The following GLIS3 variants were observed in gnomAD, a reference collection of about 807,000 sequenced individuals.
GLIS3 encodes the protein zinc finger protein GLIS3.
GLIS3 carries 53 observed loss-of-function variants against 78.6 expected under a neutral mutation model. The ratio of observed to expected loss-of-function variants is 0.67; its 90% CI spans 0.54 to 0.85. The LOEUF (loss-of-function observed/expected upper bound fraction) is 0.85. Among genes scored for constraint, GLIS3 ranks in the 40% least tolerant of loss-of-function variants. The pLI, the probability that GLIS3 is intolerant of heterozygous loss-of-function variation, is 0.00. For synonymous variants in GLIS3, 684 were observed against 509.9 expected (o/e 1.34, Z -4.60); for missense variants, 1,703 against 1,231.1 (o/e 1.38, Z -5.74).
At chr9:4,242,582 C>A (rs114801193) in intron 2 of GLIS3, among the ~76,000 whole-genome samples, 25 of 152,080 alleles carry the variant, frequency 1.6e-4, no homozygotes, top group African/African-American at 6.0e-4. Flanking sequence ...CTCCCCATAC[C>A]CAGTGGGTTC....
chr9:4,219,858 C>G (rs1821167713), intron 2 of GLIS3, among the ~76,000 whole-genome samples: 1 of 152,106 alleles, frequency 6.6e-6, no homozygotes, highest in East Asian at 1.9e-4. Context: ...GCTGAGAGAG[C>G]CTAGAAGCAA....
At chr9:4,193,188 T>C (rs1478930057) in intron 2 of GLIS3, among the ~76,000 whole-genome samples, 1 of 152,268 alleles carries the variant, frequency 6.6e-6, no homozygotes, top group Non-Finnish European at 1.5e-5. Context: ...GACTTTTGTA[T>C]GGCCCTATGG....
At chr9:4,236,922 T>C (rs899381732) in intron 2 of GLIS3, among the ~76,000 whole-genome samples, 2 of 152,238 alleles carry the variant, frequency 1.3e-5, no homozygotes, top group South Asian at 4.2e-4. Context: ...AAATATTTTT[T>C]TGAAACCAGG....
intron 4 of GLIS3, among the ~76,000 whole-genome samples, chr9:4,013,410 C>T (rs565672363): frequency 7.0e-4 from 107 of 152,288 alleles, no homozygotes; most frequent in Non-Finnish European, 1.0e-3. Flanking sequence ...TGTTAAGATT[C>T]AAGGTATACT....
intron 4 of GLIS3, among the ~76,000 whole-genome samples, chr9:3,968,140 G>T (rs901417208): frequency 5.5e-4 from 83 of 152,236 alleles, no homozygotes; most frequent in Non-Finnish European, 1.0e-3. Context: ...TTCAAAATTG[G>T]ATTTCAAATC....
chr9:4,331,986 T>C (rs1817695132), intron 2 of GLIS3, among the ~76,000 whole-genome samples: 2 of 152,200 alleles, frequency 1.3e-5, no homozygotes, highest in African/African-American at 4.8e-5. Flanking sequence ...CTAGCTCTTC[T>C]TCAACTTGGG....
At chr9:4,272,390 A>G (rs144880148) in intron 2 of GLIS3, among the ~76,000 whole-genome samples, 177 of 152,214 alleles carry the variant, frequency 1.2e-3, no homozygotes, top group African/African-American at 4.0e-3. Flanking sequence ...TTTTGAGGCA[A>G]TCTCTGCCAA....
chr9:3,902,117 T>G (rs1192812513), intron 6 of GLIS3, among the ~76,000 whole-genome samples: 1 of 152,222 alleles, frequency 6.6e-6, no homozygotes, highest in African/African-American at 2.4e-5. Context: ...CTTCACTAAA[T>G]ATTCATGTTT....
At chr9:4,250,013 C>G (rs1037160642) in intron 2 of GLIS3, among the ~76,000 whole-genome samples, 1 of 152,158 alleles carries the variant, frequency 6.6e-6, no homozygotes, top group African/African-American at 2.4e-5. Context: ...CTGCTGGATT[C>G]CGTTTGCCAG....
intron 4 of GLIS3, among the ~76,000 whole-genome samples, chr9:4,075,840 A>G (rs1156500420): frequency 1.3e-5 from 2 of 152,210 alleles, no homozygotes; most frequent in Non-Finnish European, 2.9e-5. Context: ...ACTGAGGAAA[A>G]GAAGTGAGAA....
chr9:4,131,789 G>T (rs1381279372), intron 2 of GLIS3, among the ~76,000 whole-genome samples: 1 of 152,028 alleles, frequency 6.6e-6, no homozygotes, highest in East Asian at 1.9e-4. Context: ...AGGTTGTTGT[G>T]CATCTAGTAT....
At chr9:3,844,781 TA>T (rs1286879117) in intron 9 of GLIS3, among the ~76,000 whole-genome samples, 2 of 152,210 alleles carry the variant, frequency 1.3e-5, no homozygotes, top group African/African-American at 4.8e-5. Flanking sequence ...TTACTATTAA[TA>T]CTGTCTTTAA....
At chr9:4,193,069 G>T (rs1818478001) in intron 2 of GLIS3, among the ~76,000 whole-genome samples, 1 of 152,156 alleles carries the variant, frequency 6.6e-6, no homozygotes, top group African/African-American at 2.4e-5. Context: ...GTCCCTGTTG[G>T]CAAACCTTTG....
the GLIS3 span, among the ~76,000 whole-genome samples, chr9:4,400,459 G>A: frequency 6.6e-6 from 1 of 152,184 alleles, no homozygotes; most frequent in Non-Finnish European, 1.5e-5. Flanking sequence ...CATGAGTTAT[G>A]TGACAGCCAG....
At chr9:4,461,915 T>C in the GLIS3 span, among the ~76,000 whole-genome samples, 1 of 152,232 alleles carries the variant, frequency 6.6e-6, no homozygotes, top group Non-Finnish European at 1.5e-5. Flanking sequence ...AATCTGAGAA[T>C]GAGAAAGGGC....
chr9:4,418,408 T>C, the GLIS3 span, among the ~76,000 whole-genome samples: 1 of 152,216 alleles, frequency 6.6e-6, no homozygotes, highest in African/African-American at 2.4e-5. Flanking sequence ...ATTTGCTCTA[T>C]CTGTAAAACC....
chr9:4,490,328 C>T, the GLIS3 span: 1 of 174,360 alleles, frequency 5.7e-6, no homozygotes, highest in Non-Finnish European at 1.2e-5. Context: ...CCTACCACGC[C>T]TGCTCCCTAG....
chr9:3,833,091 G>C (rs971834118), intron 9 of GLIS3, among the ~76,000 whole-genome samples: 1 of 152,154 alleles, frequency 6.6e-6, no homozygotes, highest in Non-Finnish European at 1.5e-5. Context: ...AACATTCTGG[G>C]CTTCATCTCC....
At chr9:3,903,583 A>G (rs1823465437) in intron 6 of GLIS3, among the ~76,000 whole-genome samples, 1 of 152,152 alleles carries the variant, frequency 6.6e-6, no homozygotes, top group African/African-American at 2.4e-5. Context: ...CTTCTCATTC[A>G]TTTGTCGAAC....
Sources: gnomAD v4.1 joint callset for allele counts (sites outside exome capture counted in the v4.1 genomes callset) on GRCh38, gnomAD v4.1.1 for gene constraint, MANE v1.5 for transcripts, NCBI Gene and HGNC (gene_info 2026-07-23, HGNC 2026-07-21) for gene names.